The following PCDHA12 variants were observed in gnomAD, a reference collection of about 807,000 sequenced individuals.
The protein encoded by PCDHA12 is protocadherin alpha 12, also known as protocadherin alpha-12.
PCDHA12 carries 44 observed loss-of-function variants against 60.0 expected under a neutral mutation model. The observed-to-expected ratio is 0.73, with a 90% CI of 0.58 to 0.94. The LOEUF (loss-of-function observed/expected upper bound fraction) is 0.94, where lower values mean the gene tolerates loss of function less well. Ranked by LOEUF, PCDHA12 falls within the 40% of genes least tolerant of loss-of-function variation. The pLI, the probability that PCDHA12 is intolerant of heterozygous loss-of-function variation, is 0.00. For synonymous variants in PCDHA12, 569 were observed against 553.0 expected, an observed-to-expected ratio of 1.03 and a Z score of -0.40; for missense variants, 1,276 against 1,239.7, an observed-to-expected ratio of 1.03 and a Z score of -0.44.
intron 3 of PCDHA12, among the ~76,000 whole-genome samples, chr5:140,993,704 A>G (rs1032326931): frequency 3.3e-5 from 5 of 152,172 alleles, no homozygotes; most frequent in African/African-American, 1.2e-4. Flanking sequence ...TTGTAATACC[A>G]TATTTTTACT....
intron 1 of PCDHA12, among the ~76,000 whole-genome samples, chr5:140,911,441 T>C (rs2075476385): frequency 6.6e-6 from 1 of 152,154 alleles, no homozygotes. Context: ...TTTCCCGCAA[T>C]TTCAGCTCTT....
intron 1 of PCDHA12, among the ~76,000 whole-genome samples, chr5:140,890,087 A>G (rs1284769572): frequency 6.6e-6 from 1 of 152,170 alleles, no homozygotes; most frequent in African/African-American, 2.4e-5. Context: ...TGATAATGCA[A>G]ATTTATTCCC....
intron 1 of PCDHA12, among the ~76,000 whole-genome samples, chr5:140,892,640 T>C (rs1250881102): frequency 2.0e-5 from 3 of 152,208 alleles, no homozygotes; most frequent in Non-Finnish European, 4.4e-5. Flanking sequence ...ATTGTACATA[T>C]TTATAGGATA....
chr5:140,919,706 C>T (rs2079272649), intron 1 of PCDHA12, among the ~76,000 whole-genome samples: 1 of 152,048 alleles, frequency 6.6e-6, no homozygotes, highest in African/African-American at 2.4e-5. Flanking sequence ...TAACTTAATT[C>T]TAGTGAGATA....
chr5:140,883,403 T>G, intron 1 of PCDHA12: 1 of 1,614,168 alleles, frequency 6.2e-7, no homozygotes, highest in Non-Finnish European at 8.5e-7. Context: ...CGATCGTGAC[T>G]CTGGCTCAAA....
intron 1 of PCDHA12, among the ~76,000 whole-genome samples, chr5:140,908,828 A>C (rs1490004627): frequency 6.6e-6 from 1 of 152,176 alleles, no homozygotes; most frequent in Non-Finnish European, 1.5e-5. Context: ...GTTACTCGAT[A>C]AATGGGCTGG....
At chr5:140,899,200 T>G (rs1554188457) in intron 1 of PCDHA12, among the ~76,000 whole-genome samples, 2 of 151,512 alleles carry the variant, frequency 1.3e-5, no homozygotes, top group Admixed American at 1.3e-4. Context: ...CCTGCCTAAT[T>G]GCCCTGGCCA....
At chr5:140,972,798 A>G (rs782291338) in intron 1 of PCDHA12, among the ~76,000 whole-genome samples, 6 of 151,178 alleles carry the variant, frequency 4.0e-5, no homozygotes, top group Admixed American at 2.6e-4. Flanking sequence ...TGAGTAGCTG[A>G]GATTACAGGC....
chr5:140,941,876 C>T (rs1293978062), intron 1 of PCDHA12, among the ~76,000 whole-genome samples: 1 of 152,166 alleles, frequency 6.6e-6, no homozygotes, highest in Non-Finnish European at 1.5e-5. Flanking sequence ...GTTCTATCAC[C>T]AGTGACTAGC....
chr5:140,968,702 A>G, intron 1 of PCDHA12: 3 of 1,614,178 alleles, frequency 1.9e-6, no homozygotes, highest in Non-Finnish European at 2.5e-6. Flanking sequence ...TAGGACTACC[A>G]GGAAGATGGG....
chr5:140,954,181 T>C (rs1342526768), intron 1 of PCDHA12, among the ~76,000 whole-genome samples: 1 of 152,234 alleles, frequency 6.6e-6, no homozygotes, highest in Non-Finnish European at 1.5e-5. Flanking sequence ...ATCCAGTCTA[T>C]CATTGATGGG....
chr5:140,914,510 A>G (rs900880100), intron 1 of PCDHA12, among the ~76,000 whole-genome samples: 1 of 152,100 alleles, frequency 6.6e-6, no homozygotes, highest in Non-Finnish European at 1.5e-5. Context: ...TCATTGGGTC[A>G]TGTTTTTTCA....
At chr5:140,885,798 T>C (rs1269362409) in intron 1 of PCDHA12, among the ~76,000 whole-genome samples, 1 of 152,186 alleles carries the variant, frequency 6.6e-6, no homozygotes, top group East Asian at 1.9e-4. Context: ...TTGTCATATG[T>C]ATTTTGTTGA....
At chr5:140,982,688 A>ATACATACATGATTTCCT in intron 3 of PCDHA12, 125 bp downstream of exon 3, 1 of 1,415,764 alleles carries the variant, frequency 7.1e-7, no homozygotes, top group Non-Finnish European at 9.3e-7. Flanking sequence ...CCTTTTTTCC[A>ATACATACATGATTTCCT]TACATACATG....
At chr5:140,938,002 G>A (rs1396127552) in intron 1 of PCDHA12, among the ~76,000 whole-genome samples, 1 of 151,938 alleles carries the variant, frequency 6.6e-6, no homozygotes, top group Non-Finnish European at 1.5e-5. Context: ...TGTATCCAAT[G>A]TTCTTGCTAA....
chr5:140,936,113 G>T (rs1316824905), intron 1 of PCDHA12, among the ~76,000 whole-genome samples: 1 of 151,964 alleles, frequency 6.6e-6, no homozygotes, highest in African/African-American at 2.4e-5. Flanking sequence ...GGCTGGTCTC[G>T]AACTCCTGAC....
chr5:140,888,754 CT>C (rs782694187), intron 1 of PCDHA12, among the ~76,000 whole-genome samples: 16 of 148,604 alleles, frequency 1.1e-4, no homozygotes, highest in East Asian at 2.0e-4. Flanking sequence ...ATTCTACCCA[CT>C]TTTTTTTTTA....
intron 1 of PCDHA12, among the ~76,000 whole-genome samples, chr5:140,964,181 T>A (rs1563333888): frequency 6.6e-6 from 1 of 152,218 alleles, no homozygotes; most frequent in African/African-American, 2.4e-5. Context: ...ATCATTATAG[T>A]GCCAAATAGA....
intron 1 of PCDHA12, among the ~76,000 whole-genome samples, chr5:140,907,645 T>C (rs2073515740): frequency 1.3e-5 from 2 of 152,328 alleles, no homozygotes; most frequent in South Asian, 4.1e-4. Flanking sequence ...TGCTGGCAAA[T>C]TGGGCACTCA....
Sources: allele counts gnomAD v4.1 joint callset (sites outside exome capture counted in the v4.1 genomes callset), GRCh38; gene constraint gnomAD v4.1.1; transcripts MANE v1.5; gene names NCBI Gene and HGNC (gene_info 2026-07-23, HGNC 2026-07-21).